Variants in ATAD2B observed in about 807,000 individuals in gnomAD.
ATAD2B encodes the protein ATPase family AAA domain containing 2B, also known as ATPase family AAA domain-containing protein 2B.
ATAD2B carries 40 observed loss-of-function variants against 167.6 expected under a neutral mutation model. The ratio of observed to expected loss-of-function variants is 0.24; its 90% confidence interval spans 0.19 to 0.31. The LOEUF is 0.31. ATAD2B is among the 10% of genes least tolerant of loss of function. ATAD2B has a pLI of 1.00. For synonymous variants in ATAD2B, 579 were observed against 596.5 expected (o/e 0.97, Z 0.43); for missense variants, 1,242 against 1,757.2 (o/e 0.71, Z 5.24).
At chr2:23,909,994 C>A (rs55878121) in intron 1 of ATAD2B, among the ~76,000 whole-genome samples, 11,949 of 151,722 alleles carry the variant, frequency 0.079, 602 homozygotes, top group South Asian at 0.11. Flanking sequence ...TCCCAAGTAG[C>A]TGAGACTACA....
At chr2:23,857,899 G>GC (rs1558669395) in intron 12 of ATAD2B, among the ~76,000 whole-genome samples, 1 of 148,640 alleles carries the variant, frequency 6.7e-6, no homozygotes, top group Non-Finnish European at 1.5e-5. Flanking sequence ...ACACCACCAC[G>GC]CCCGGCTAAT....
the ATAD2B span, among the ~76,000 whole-genome samples, chr2:23,723,104 C>A: frequency 6.6e-6 from 1 of 152,078 alleles, no homozygotes; most frequent in Non-Finnish European, 1.5e-5. Flanking sequence ...CAAGCCTGGG[C>A]AACATGGCGA....
chr2:23,680,583 G>T, the ATAD2B span, among the ~76,000 whole-genome samples: 4 of 152,072 alleles, frequency 2.6e-5, no homozygotes. The surrounding 1 kb of genome is among the most constrained non-coding windows in gnomAD (Gnocchi z 4.1). Flanking sequence ...GACTCCACTC[G>T]CCAGACCCCA....
At chr2:23,705,819 TGAAATGCATTAAGG>T in the ATAD2B span, among the ~76,000 whole-genome samples, 2 of 152,172 alleles carry the variant, frequency 1.3e-5, no homozygotes, top group African/African-American at 4.8e-5. Flanking sequence ...AAGAAGTAGC[TGAAATGCATTAAGG>T]GAGTCAGTGC....
At position 23,833,954 on chromosome 2, in the gene ATAD2B, C is replaced by G; in HGVS notation, c.1693G>C (p.Asp565His). ...GGCAGGTTGAAGAGGAATTCTCTGT[C>G]AAAACGACCAGGTCTCCTGAGTGCA... ...DPALRRPGRF[D>H]REFLFNLPDQ... Residue 565 changes from aspartate to histidine, a missense_variant, in exon 14 of 28, where the codon GAC becomes CAC. Asp to His is a moderately conservative substitution (Grantham distance 81, BLOSUM62 -1). Around this residue, in one of 9 missense-constraint regions of ATAD2B, gnomAD observed 151 missense variants for 284.1 expected, o/e 0.53. Transcript: ENST00000238789. The G allele has an allele frequency of 6.2e-7, 1 of 1,604,810 alleles. No homozygotes were observed. Among genetic ancestry groups the G allele is most frequent in the Non-Finnish European group, 8.5e-7 (1 of 1,177,124 alleles).
intron 1 of ATAD2B, among the ~76,000 whole-genome samples, chr2:23,909,449 T>TAC (rs1345898515): frequency 2.0e-5 from 3 of 151,274 alleles, no homozygotes; most frequent in African/African-American, 4.9e-5. Context: ...CATATATATA[T>TAC]ATACACACAC....
chr2:23,878,026 A>AAAAG (rs1697256583), intron 7 of ATAD2B, among the ~76,000 whole-genome samples: 1 of 129,232 alleles, frequency 7.7e-6, no homozygotes, highest in Non-Finnish European at 1.7e-5. Flanking sequence ...AAAAAAAAAA[A>AAAAG]AAAAAAAAAA....
chr2:23,713,542 C>T, the ATAD2B span, among the ~76,000 whole-genome samples: 1 of 152,082 alleles, frequency 6.6e-6, no homozygotes, highest in Admixed American at 6.5e-5. Flanking sequence ...ACCCCAGAAA[C>T]AAACCTGTAC....
At position 23,823,281 on chromosome 2, in the gene ATAD2B, A is replaced by C; in HGVS notation, c.2108T>G (p.Ile703Ser). 1 of 1,611,820 alleles carries C rather than the reference A, an allele frequency of 6.2e-7. No individual in the cohort carries two copies. The highest frequency in any genetic ancestry group is 8.5e-7 in the Non-Finnish European group (1 of 1,178,328). The change falls in exon 16 of 28, where the codon ATT becomes AGT. Residue 703 changes from isoleucine (I) to serine (S), a missense_variant. Physicochemically the swap from Ile to Ser is moderately radical, Grantham distance 142. This residue lies in a region of ATAD2B where 145 missense variants were observed against 181.9 expected (regional missense o/e 0.80). Coordinates refer to ENST00000238789, the MANE Select transcript of ATAD2B (RefSeq NM_017552.4). ...ACCTTCTTTTTTGTCACTCTGGCTA[A>C]TTTCAGCATGAGGAAACACTTTTTG... ...VLQKVFPHAEISQSDKKEDIE... is the reference protein window; with the variant it reads ...VLQKVFPHAESSQSDKKEDIE...
chr2:23,695,643 C>T, the ATAD2B span: 18 of 1,550,898 alleles, frequency 1.2e-5, no homozygotes, highest in East Asian at 9.8e-5. This position sits in a 1 kb window ranked among gnomAD's most constrained non-coding sequence, Gnocchi z 7.6. Context: ...AGCTCCTGGC[C>T]GTGGTCCGCC....
At chr2:23,739,710 C>A in the ATAD2B span, among the ~76,000 whole-genome samples, 4 of 152,176 alleles carry the variant, frequency 2.6e-5, no homozygotes, top group Admixed American at 6.5e-5. Flanking sequence ...CAGAGCATAA[C>A]TGAAGGAAAC....
At chr2:23,892,892 A>C (rs371013363) in intron 2 of ATAD2B, among the ~76,000 whole-genome samples, 3 of 152,248 alleles carry the variant, frequency 2.0e-5, no homozygotes, top group African/African-American at 7.2e-5. Context: ...CTGACCAAAA[A>C]AGTCAATAAA....
rs748683703 is a variant in ATAD2B at position 23,819,843 on chromosome 2, T to A, written c.2171A>T (p.Asn724Ile). The A allele has an allele frequency of 6.3e-7, 1 of 1,590,860 alleles. No individual in the cohort carries two copies. The highest frequency in any genetic ancestry group is 8.6e-7 in the Non-Finnish European group (1 of 1,159,952). Residue 724 changes from asparagine to isoleucine, a missense_variant, in exon 17 of 28, where the codon AAT (asparagine) becomes ATT (isoleucine). By Grantham distance (149) the Asn-to-Ile change is moderately radical. Around this residue, in one of 9 missense-constraint regions of ATAD2B, gnomAD observed 145 missense variants for 181.9 expected, o/e 0.80. Transcript: ENST00000238789. ...ATTGGTCTCAAAAATTGATAAAGCA[T>A]TTTCATCTTCACTATCCTCTAAAAT... is the stretch of plus-strand genomic sequence containing the variant. ...TLILEDSEDE[N>I]ALSIFETNCH...
At chr2:23,730,744 T>C in the ATAD2B span, among the ~76,000 whole-genome samples, 1 of 144,436 alleles carries the variant, frequency 6.9e-6, no homozygotes. Flanking sequence ...TCAAAATGTA[T>C]GGAATAGAAA....
chr2:23,852,820 G>A (rs891849104), intron 13 of ATAD2B, among the ~76,000 whole-genome samples: 5 of 151,822 alleles, frequency 3.3e-5, no homozygotes, highest in Non-Finnish European at 7.4e-5. Flanking sequence ...TCGGGAGGCT[G>A]AGGCAAGAGA....
chr2:23,717,418 G>C, the ATAD2B span, among the ~76,000 whole-genome samples: 1 of 152,034 alleles, frequency 6.6e-6, no homozygotes, highest in African/African-American at 2.4e-5. Flanking sequence ...ACAGAGCCCA[G>C]ATTAAGGAAA....
chr2:23,873,284 G>C (rs1696285593), intron 8 of ATAD2B, among the ~76,000 whole-genome samples: 1 of 152,048 alleles, frequency 6.6e-6, no homozygotes, highest in Non-Finnish European at 1.5e-5. Flanking sequence ...ATAGTAAACT[G>C]AATGCATAAA....
intron 14 of ATAD2B, chr2:23,832,736 A>C (rs914481019): frequency 6.6e-6 from 1 of 152,448 alleles, no homozygotes. Context: ...TCTGAGGCCT[A>C]CTTAGCTAAG....
intron 8 of ATAD2B, among the ~76,000 whole-genome samples, chr2:23,873,955 G>A (rs925379073): frequency 2.0e-5 from 3 of 152,174 alleles, no homozygotes; most frequent in African/African-American, 7.2e-5. Flanking sequence ...GGGAGGCTGA[G>A]GCAGGCAGAT....
Sources: gnomAD v4.1 joint callset for allele counts (sites outside exome capture counted in the v4.1 genomes callset) on GRCh38, gnomAD v4.1.1 for gene constraint, gnomAD v4.1.1 regional missense constraint, Gnocchi (gnomAD v3.1) non-coding constraint, MANE v1.5 for transcripts, NCBI Gene and HGNC (gene_info 2026-07-23, HGNC 2026-07-21) for gene names.